OR8B4: variants seen among roughly 807,000 people sequenced by gnomAD.
OR8B4 encodes olfactory receptor family 8 subfamily B member 4, also known as olfactory receptor 8B4.
A neutral mutation model predicts 1.3 loss-of-function variants in OR8B4; 3 were observed. The ratio of observed to expected loss-of-function variants is 2.37; its 90% CI spans 1.08 to 6.13. OR8B4 has a LOEUF of 6.13. OR8B4 is among the 30% of genes most tolerant of loss of function. OR8B4 has a pLI of 0.02. For synonymous variants in OR8B4, 139 were observed against 144.2 expected, an observed-to-expected ratio of 0.96 and a Z score of 0.26; for missense variants, 360 against 368.9, an observed-to-expected ratio of 0.98 and a Z score of 0.20.
Position 124,423,970 on chromosome 11 carries a change from C to T in OR8B4, c.902G>A (p.Gly301Asp), listed in dbSNP as rs1356097645. The T allele has an allele frequency of 6.2e-7, 1 of 1,613,908 alleles. No homozygotes were observed. The highest frequency in any genetic ancestry group is 1.1e-5 in the South Asian group (1 of 91,052). Residue 301 changes from glycine to aspartate, a missense_variant, in exon 1 of 1, where the codon GGC becomes GAC. Transcript: ENST00000356130. ...LRNKDDKLAL[G>D]KTLKRVLF ...GAAGAGCACTCTCTTCAGGGTTTTG[C>T]CCAGGGCAAGTTTATCATCCTTATT...
Position 124,424,247 on chromosome 11 carries a change from A to G in OR8B4, c.625T>C (p.Ser209Pro). 6.2e-7 allele frequency: 1 copy of G among 1,614,186 alleles called. No homozygotes were observed. The highest frequency in any genetic ancestry group is 8.5e-7 in the Non-Finnish European group (1 of 1,180,030). The change falls in exon 1 of 1, where the codon TCC becomes CCC. Residue 209 changes from serine (S) to proline (P), a missense_variant. Ser to Pro is a moderately conservative substitution (Grantham distance 74). Coordinates refer to ENST00000356130, the MANE Select transcript of OR8B4 (RefSeq NM_001005196.1). ...FIVVGVITMLSSISIVISYAL... is the reference protein window; with the variant it reads ...FIVVGVITMLPSISIVISYAL... ...TAAGAGATGACGATGCTTATGCTGG[A>G]TAGCATGGTGATTACTCCAACAACA...
chr11:124,424,499 T>C lies in OR8B4; in HGVS notation c.373A>G (p.Ile125Val). The C allele has an allele frequency of 6.2e-7, 1 of 1,614,060 alleles. No homozygotes were observed. Among genetic ancestry groups the C allele is most frequent in the Non-Finnish European group, 8.5e-7 (1 of 1,180,002 alleles). The change falls in exon 1 of 1, where the codon ATC becomes GTC. Residue 125 changes from isoleucine to valine, a missense_variant. Coordinates refer to ENST00000356130, the MANE Select transcript of OR8B4 (RefSeq NM_001005196.1). ...ACCATGTAGAGCAGGGGGTTGCAGA[T>C]GGCCACATAGCGATCATAGGCCATT... ...VSMAYDRYVAICNPLLYMVTM... is the reference protein window; with the variant it reads ...VSMAYDRYVAVCNPLLYMVTM...
In OR8B4 at chr11:124,424,294, A is replaced by G. The variant is rs1288309173; in HGVS notation, c.578T>C (p.Val193Ala). The change falls in exon 1 of 1, where the codon GTC becomes GCC. Residue 193 changes from valine (V) to alanine (A), a missense_variant. Physicochemically the swap from Val to Ala is moderately conservative, Grantham distance 64 (BLOSUM62 0). Transcript: ENST00000356130. ...LLQLSCTSTH[V>A]SELVFFIVVG... The stretch of plus-strand genomic sequence containing the variant: ...AACAATGAAAAATACCAGCTCACTG[A>G]CATGGGTGCTGGTGCAGGAGAGCTG... 6 of 1,613,738 alleles carry G rather than the reference A, an allele frequency of 3.7e-6. No individual in the cohort carries two copies. Among genetic ancestry groups the G allele is most frequent in the Non-Finnish European group, 4.2e-6 (5 of 1,179,754 alleles).
In OR8B4 at chr11:124,424,520, C is replaced by T; in HGVS notation, c.352G>A (p.Ala118Thr). The change falls in exon 1 of 1, where the codon GCC (alanine) becomes ACC (threonine). Residue 118 changes from alanine (A) to threonine (T), a missense_variant. Coordinates refer to ENST00000356130, the MANE Select transcript of OR8B4 (RefSeq NM_001005196.1). Reference sequence around the variant, plus strand: ...CAGATGGCCACATAGCGATCATAGGCCATTGATACCAACACATAGCACTCA... The same window carrying T: ...CAGATGGCCACATAGCGATCATAGGTCATTGATACCAACACATAGCACTCA... ...NSECYVLVSMAYDRYVAICNP... is the reference protein window; with the variant it reads ...NSECYVLVSMTYDRYVAICNP... The T allele has an allele frequency of 6.2e-7, 1 of 1,613,992 alleles. No homozygotes were observed. The highest frequency in any genetic ancestry group is 8.5e-7 in the Non-Finnish European group (1 of 1,179,986).
In OR8B4 at chr11:124,424,238, T is replaced by G. The variant is rs149354469; in HGVS notation, c.634A>C (p.Ser212Arg). The change falls in exon 1 of 1, where the codon AGC (serine) becomes CGC (arginine). Residue 212 changes from serine to arginine, a missense_variant. Coordinates refer to ENST00000356130, the MANE Select transcript of OR8B4 (RefSeq NM_001005196.1). ...ATCAAAGCGTAAGAGATGACGATGC[T>G]TATGCTGGATAGCATGGTGATTACT... ...VGVITMLSSI[S>R]IVISYALILS... is the part of the protein sequence containing the mutation. 384 of 1,614,184 alleles carry G rather than the reference T, an allele frequency of 2.4e-4. 7 individuals are homozygous for G. In the Admixed American group the frequency reaches 6.3e-3, roughly 27 times the overall value.
At position 124,424,220 on chromosome 11, in the gene OR8B4, C is replaced by T. The variant is rs748666867; in HGVS notation, c.652G>A (p.Ala218Thr). 21 of 1,614,064 alleles carry T rather than the reference C, an allele frequency of 1.3e-5. No individual in the cohort carries two copies. Among genetic ancestry groups the T allele is most frequent in the East Asian group, 6.7e-5 (3 of 44,894 alleles). The change falls in exon 1 of 1, where the codon GCT (alanine) becomes ACT (threonine). Residue 218 changes from alanine to threonine, a missense_variant. Coordinates refer to ENST00000356130, the MANE Select transcript of OR8B4 (RefSeq NM_001005196.1). ...CAGAGGATGTTGGAGAGTATCAAAG[C>T]GTAAGAGATGACGATGCTTATGCTG... ...LSSISIVISY[A>T]LILSNILCIP... is the part of the protein sequence containing the mutation.
Position 124,424,696 on chromosome 11 carries a change from A to T in OR8B4, c.176T>A (p.Met59Lys). 6.2e-7 allele frequency: 1 copy of T among 1,614,174 alleles called. No individual in the cohort carries two copies. The highest frequency in any genetic ancestry group is 8.5e-7 in the Non-Finnish European group (1 of 1,180,016). Residue 59 changes from methionine (M) to lysine (K), a missense_variant, in exon 1 of 1, where the codon ATG becomes AAG. Transcript: ENST00000356130. ...GGACAAGTTGAAGAGGAAAAAGTAC[A>T]TGGGGGTGTGAAGGCTAGGATTTAT... ...IGINPSLHTP[M>K]YFFLFNLSFI...
chr11:124,424,427 C>T lies in OR8B4; in HGVS notation c.445G>A (p.Val149Met), dbSNP rs1379666338. The T allele has an allele frequency of 6.2e-7, 1 of 1,614,142 alleles. No homozygotes were observed. The highest frequency in any genetic ancestry group is 8.5e-7 in the Non-Finnish European group (1 of 1,180,020). Residue 149 changes from valine (V) to methionine (M), a missense_variant, in exon 1 of 1, where the codon GTG (valine) becomes ATG (methionine). Coordinates refer to ENST00000356130, the MANE Select transcript of OR8B4 (RefSeq NM_001005196.1). ...GCCATGGCCCCAGCAAACCCTACCA[C>T]ATAGGAACCAAACATCAGCAGAAAG... ...VCFLLMFGSY[V>M]VGFAGAMAHT...
Position 124,424,306 on chromosome 11 carries a change from G to T in OR8B4, c.566C>A (p.Thr189Asn). The change falls in exon 1 of 1, where the codon ACC becomes AAC. Residue 189 changes from threonine (T) to asparagine (N), a missense_variant. Coordinates refer to ENST00000356130, the MANE Select transcript of OR8B4 (RefSeq NM_001005196.1). ...DVLPLLQLSC[T>N]STHVSELVFF... The stretch of plus-strand genomic sequence containing the variant: ...TACCAGCTCACTGACATGGGTGCTG[G>T]TGCAGGAGAGCTGCAAGAGGGGGAG... 1.2e-6 allele frequency: 2 copies of T among 1,614,068 alleles called. No individual in the cohort carries two copies. Among genetic ancestry groups the T allele is most frequent in the Non-Finnish European group, 1.7e-6 (2 of 1,179,956 alleles).
At position 124,424,231 on chromosome 11, in the gene OR8B4, A is replaced by G. The variant is rs370187249; in HGVS notation, c.641T>C (p.Val214Ala). ...VITMLSSISI[V>A]ISYALILSNI... ...GGAGAGTATCAAAGCGTAAGAGATG[A>G]CGATGCTTATGCTGGATAGCATGGT... The change falls in exon 1 of 1, where the codon GTC becomes GCC. Residue 214 changes from valine (V) to alanine (A), a missense_variant. Physicochemically the swap from Val to Ala is moderately conservative, Grantham distance 64. Coordinates refer to ENST00000356130, the MANE Select transcript of OR8B4 (RefSeq NM_001005196.1). The G allele has an allele frequency of 1.2e-6, 2 of 1,614,114 alleles. No homozygotes were observed. The highest frequency in any genetic ancestry group is 1.7e-6 in the Non-Finnish European group (2 of 1,180,046).
Position 124,424,726 on chromosome 11 carries a change from A to G in OR8B4, c.146T>C (p.Ile49Thr), listed in dbSNP as rs370337939. The G allele has an allele frequency of 8.7e-6, 14 of 1,614,048 alleles. No homozygotes were observed. In the Admixed American group the frequency reaches 1.8e-4, roughly 21 times the overall value. ...VVGNLGLITL[I>T]GINPSLHTPM... ...GGTGTGAAGGCTAGGATTTATCCCA[A>G]TTAAGGTGATCAAGCCCAAGTTGCC... Residue 49 changes from isoleucine (I) to threonine (T), a missense_variant, in exon 1 of 1, where the codon ATT becomes ACT. By Grantham distance (89) the Ile-to-Thr change is moderately conservative (BLOSUM62 -1). Coordinates refer to ENST00000356130, the MANE Select transcript of OR8B4 (RefSeq NM_001005196.1).
At position 124,424,708 on chromosome 11, in the gene OR8B4, A is replaced by C. The variant is rs148561310; in HGVS notation, c.164T>G (p.Leu55Arg). ...GAGGAAAAAGTACATGGGGGTGTGA[A>C]GGCTAGGATTTATCCCAATTAAGGT... ...LITLIGINPS[L>R]HTPMYFFLFN... is the part of the protein sequence containing the mutation. The change falls in exon 1 of 1, where the codon CTT (leucine) becomes CGT (arginine). Residue 55 changes from leucine to arginine, a missense_variant. Coordinates refer to ENST00000356130, the MANE Select transcript of OR8B4 (RefSeq NM_001005196.1). 5.0e-6 allele frequency: 8 copies of C among 1,614,038 alleles called. No homozygotes were observed. The highest frequency in any genetic ancestry group is 1.7e-5 in the Admixed American group (1 of 59,998).
At position 124,424,187 on chromosome 11, in the gene OR8B4, A is replaced by G; in HGVS notation, c.685T>C (p.Ser229Pro). The part of the protein sequence containing the change: ...LILSNILCIP[S>P]AEGRSKAFST... Reference sequence around the variant, plus strand: ...AAGGCTTTGGATCTGCCCTCTGCAGAAGGAATACAGAGGATGTTGGAGAGT... The same window carrying G: ...AAGGCTTTGGATCTGCCCTCTGCAGGAGGAATACAGAGGATGTTGGAGAGT... Residue 229 changes from serine to proline, a missense_variant, in exon 1 of 1, where the codon TCT becomes CCT. Transcript: ENST00000356130. 6.2e-7 allele frequency: 1 copy of G among 1,614,156 alleles called. No individual in the cohort carries two copies. Among genetic ancestry groups the G allele is most frequent in the Non-Finnish European group, 8.5e-7 (1 of 1,179,972 alleles).
chr11:124,424,233 G>A lies in OR8B4; in HGVS notation c.639C>T (p.Ile213=), dbSNP rs770653344. 1.1e-5 allele frequency: 17 copies of A among 1,614,042 alleles called. No homozygotes were observed. The highest frequency in any genetic ancestry group is 7.7e-5 in the South Asian group (7 of 91,068). Residue 213 remains isoleucine, a synonymous_variant, in exon 1 of 1, where the codon ATC becomes ATT. Transcript: ENST00000356130. ...AGAGTATCAAAGCGTAAGAGATGAC[G>A]ATGCTTATGCTGGATAGCATGGTGA... is the stretch of plus-strand genomic sequence containing the variant. The part of the protein sequence containing the change: ...GVITMLSSIS[I]VISYALILSN...
chr11:124,424,494 G>A lies in OR8B4; in HGVS notation c.378C>T (p.Cys126=), dbSNP rs755159774. Residue 126 remains cysteine (C), a synonymous_variant, in exon 1 of 1, where the codon TGC becomes TGT. Transcript: ENST00000356130. ...TGGTGACCATGTAGAGCAGGGGGTT[G>A]CAGATGGCCACATAGCGATCATAGG... ...SMAYDRYVAI[C]NPLLYMVTMS... 1.2e-6 allele frequency: 2 copies of A among 1,614,006 alleles called. No individual in the cohort carries two copies. Among genetic ancestry groups the A allele is most frequent in the African/African-American group, 1.3e-5 (1 of 74,918 alleles).
rs770034457 is a variant in OR8B4, at chr11:124,424,745, A to G, written c.127T>C (p.Leu43=). Residue 43 remains leucine, a synonymous_variant, in exon 1 of 1, where the codon TTG becomes CTG. Transcript: ENST00000356130. ...GIYVFTVVGN[L]GLITLIGINP... ...ATCCCAATTAAGGTGATCAAGCCCAAGTTGCCCACCACAGTGAACACATAG... is the reference window on the plus strand; with the variant it reads ...ATCCCAATTAAGGTGATCAAGCCCAGGTTGCCCACCACAGTGAACACATAG... 3.1e-6 allele frequency: 5 copies of G among 1,614,120 alleles called. No homozygotes were observed. In the South Asian group the frequency reaches 5.5e-5, roughly 18 times the overall value.
In OR8B4 at chr11:124,424,850, A is replaced by C. The variant is rs1471603732; in HGVS notation, c.22T>G (p.Ser8Ala). ...CCCACAAGGATAAACTCAGTCACTG[A>C]GGAGCTGTTTCTCAGAGTCATTCTC... Reference protein sequence around the residue: MTLRNSSSVTEFILVGLS... With the variant: MTLRNSSAVTEFILVGLS... The change falls in exon 1 of 1, where the codon TCA becomes GCA. Residue 8 changes from serine to alanine, a missense_variant. Coordinates refer to ENST00000356130, the MANE Select transcript of OR8B4 (RefSeq NM_001005196.1). 1.9e-6 allele frequency: 3 copies of C among 1,612,822 alleles called. No individual in the cohort carries two copies.
Position 124,424,803 on chromosome 11 carries a change from G to A in OR8B4, c.69C>T (p.Leu23=). ...AGAATAGAAGGAAAAGAGGGAGCTG[G>A]AGCTCTGGCTGTTCTGATAATCCCA... The part of the protein sequence containing the change: ...ILVGLSEQPE[L]QLPLFLLFLG... Residue 23 remains leucine (L), a synonymous_variant, in exon 1 of 1, where the codon CTC becomes CTT. Coordinates refer to ENST00000356130, the MANE Select transcript of OR8B4 (RefSeq NM_001005196.1). The A allele has an allele frequency of 6.2e-7, 1 of 1,613,866 alleles. No homozygotes were observed. The highest frequency in any genetic ancestry group is 8.5e-7 in the Non-Finnish European group (1 of 1,179,886).
Position 124,424,341 on chromosome 11 carries a change from C to T in OR8B4, c.531G>A (p.Leu177=). The change falls in exon 1 of 1, where the codon CTG becomes CTA. Residue 177 remains leucine, a synonymous_variant. Transcript: ENST00000356130. ...FCDSNVIDHY[L]CDVLPLLQLS... ...GCTGCAAGAGGGGGAGAACGTCACACAGATAATGGTCAATGACGTTGGAAT... is the reference window on the plus strand; with the variant it reads ...GCTGCAAGAGGGGGAGAACGTCACATAGATAATGGTCAATGACGTTGGAAT... 6.2e-7 allele frequency: 1 copy of T among 1,614,032 alleles called. No individual in the cohort carries two copies. The highest frequency in any genetic ancestry group is 2.2e-5 in the East Asian group (1 of 44,870).
Sources: allele counts gnomAD v4.1 joint callset, GRCh38; gene constraint gnomAD v4.1.1; transcripts MANE v1.5; gene names NCBI Gene and HGNC (gene_info 2026-07-23, HGNC 2026-07-21).